The following PPP4R3A variants were observed in gnomAD, a reference collection of about 807,000 sequenced individuals.
PPP4R3A encodes serine/threonine-protein phosphatase 4 regulatory subunit 3A.
Under a neutral mutation model 91.7 loss-of-function variants are expected in PPP4R3A, and 15 were observed. The observed-to-expected ratio is 0.16, with a 90% CI of 0.11 to 0.25. The LOEUF is 0.25. Among genes scored for constraint, PPP4R3A ranks in the 10% least tolerant of loss-of-function variants. The pLI is 1.00. For synonymous variants in PPP4R3A, 377 were observed against 348.7 expected, an observed-to-expected ratio of 1.08 and a Z score of -0.91; for missense variants, 623 against 998.4, an observed-to-expected ratio of 0.62 and a Z score of 5.07.
chr14:91,468,662 C>T (rs564398234), intron 10 of PPP4R3A, among the ~76,000 whole-genome samples: 7 of 18,632 alleles, frequency 3.8e-4, no homozygotes, highest in African/African-American at 9.3e-4. Flanking sequence ...AGTGAGACTC[C>T]GTCTCAAAAA....
intron 1 of PPP4R3A, among the ~76,000 whole-genome samples, chr14:91,501,560 G>C (rs530798075): frequency 5.9e-5 from 9 of 152,236 alleles, no homozygotes; most frequent in African/African-American, 1.4e-4. Flanking sequence ...GGGACACTGA[G>C]GTGAGAGGAT....
chr14:91,488,722 T>C (rs565420147), intron 2 of PPP4R3A, among the ~76,000 whole-genome samples: 1 of 152,090 alleles, frequency 6.6e-6, no homozygotes, highest in East Asian at 1.9e-4. Flanking sequence ...TCCCTCAAAA[T>C]AGCATGGAAT....
intron 1 of PPP4R3A, among the ~76,000 whole-genome samples, chr14:91,504,862 T>C (rs1357762199): frequency 1.3e-5 from 2 of 152,180 alleles, no homozygotes; most frequent in African/African-American, 4.8e-5. Flanking sequence ...TCTTCTGTGA[T>C]TTTTAGACGA....
intron 12 of PPP4R3A, 77 bp downstream of exon 12, chr14:91,462,658 T>C: frequency 6.6e-7 from 1 of 1,525,464 alleles, no homozygotes; most frequent in Non-Finnish European, 9.0e-7. Flanking sequence ...TCAAGCCAAA[T>C]AATATCAAAT....
intron 4 of PPP4R3A, 105 bp downstream of exon 4, chr14:91,481,466 TACTTA>T: frequency 8.8e-7 from 1 of 1,130,486 alleles, no homozygotes; most frequent in South Asian, 1.8e-5. Flanking sequence ...TAACTCACAA[TACTTA>T]ACTTTATACA....
chr14:91,496,333 GAA>G (rs1319217597), intron 1 of PPP4R3A, among the ~76,000 whole-genome samples: 1 of 152,124 alleles, frequency 6.6e-6, no homozygotes, highest in African/African-American at 2.4e-5. Context: ...TAAGAAGTCA[GAA>G]ACACATAGCA....
chr14:91,505,948 ATTT>A (rs5810541), intron 1 of PPP4R3A, among the ~76,000 whole-genome samples: 1 of 148,454 alleles, frequency 6.7e-6, no homozygotes, highest in African/African-American at 2.5e-5. Flanking sequence ...TATAATTGAA[ATTT>A]TTTTTTTTTT....
chr14:91,462,514 T>C (rs1476553496), intron 12 of PPP4R3A, among the ~76,000 whole-genome samples: 2 of 151,856 alleles, frequency 1.3e-5, no homozygotes, highest in African/African-American at 2.4e-5. Context: ...TTTTTTTTTT[T>C]TTCCCTTATC....
At chr14:91,490,943 C>G (rs1383214481) in intron 1 of PPP4R3A, 141 bp from the exon 2 acceptor site, 1 of 341,458 alleles carries the variant, frequency 2.9e-6, no homozygotes. Flanking sequence ...TTCTCTCTGT[C>G]GCCCAGACTG....
intron 10 of PPP4R3A, among the ~76,000 whole-genome samples, chr14:91,465,767 A>G (rs1482592973): frequency 6.6e-6 from 1 of 152,196 alleles, no homozygotes; most frequent in Non-Finnish European, 1.5e-5. Flanking sequence ...AAAAAATTCA[A>G]CATGACCTTT....
At position 91,461,943 on chromosome 14, in the gene PPP4R3A, G is replaced by A. The variant is rs1339959311; in HGVS notation, c.2164+106C>T. The A allele has an allele frequency of 1.1e-5, 15 of 1,402,442 alleles. No homozygotes were observed. In the East Asian group the frequency reaches 2.6e-4, roughly 24 times the overall value. The allele number at this position is 1,402,442 out of a possible 1,614,324, so 86.9% of individuals were successfully genotyped here. On this transcript the variant is annotated intron_variant, in intron 13 of 14. Transcript: ENST00000554943. ...CATAAAGCAATAGAGTCTTTAAACC[G>A]TATGCCATCACACCTTCCAAGCAAA...
rs370094644 is a variant in PPP4R3A, at chr14:91,489,428, T to C, written c.198+1319A>G. Among the ~76,000 whole-genome samples the C allele has an allele frequency of 2.0e-5, 3 of 152,346 alleles. No individual in the cohort carries two copies. In the South Asian group the frequency reaches 6.2e-4, roughly 32 times the overall value. The stretch of plus-strand genomic sequence containing the variant: ...TGTGGCTGATGCTTAAGTCAGGGTA[T>C]AGCCAGACATATGCTCTTAATTACC... On this transcript the variant is annotated intron_variant, in intron 2 of 14. Coordinates refer to ENST00000554943, the MANE Select transcript of PPP4R3A (RefSeq NM_001366432.2).
Position 91,461,454 on chromosome 14 carries a change from C to A in PPP4R3A, c.2318G>T (p.Gly773Val). The A allele has an allele frequency of 6.2e-7, 1 of 1,614,024 alleles. No homozygotes were observed. Among genetic ancestry groups the A allele is most frequent in the African/African-American group, 1.3e-5 (1 of 74,980 alleles). The change falls in exon 14 of 15, where the codon GGA becomes GTA. Residue 773 changes from glycine (G) to valine (V), a missense_variant. Around this residue, in one of 5 missense-constraint regions of PPP4R3A, gnomAD observed 201 missense variants for 229.9 expected, o/e 0.87. Coordinates refer to ENST00000554943, the MANE Select transcript of PPP4R3A (RefSeq NM_001366432.2). ...TNLPGSPGSP[G>V]SPGSPGSPGS... is the part of the protein sequence containing the mutation. Reference sequence around the variant, plus strand: ...AGGAGAGCCTGGAGATCCTGGGGATCCAGGTGATCCCGGAGAACCAGGCAG... The same window carrying A: ...AGGAGAGCCTGGAGATCCTGGGGATACAGGTGATCCCGGAGAACCAGGCAG...
At chr14:91,503,186 C>CTATGT (rs1158831612) in intron 1 of PPP4R3A, among the ~76,000 whole-genome samples, 1 of 152,180 alleles carries the variant, frequency 6.6e-6, no homozygotes, top group African/African-American at 2.4e-5. Flanking sequence ...CAGGGTCTTG[C>CTATGT]TATGTTGCCC....
intron 9 of PPP4R3A, 138 bp from the exon 10 acceptor site, chr14:91,471,133 A>G: frequency 1.3e-6 from 1 of 755,412 alleles, no homozygotes; most frequent in Non-Finnish European, 2.0e-6. Flanking sequence ...GGAAATTAGC[A>G]TTTACTGAAC....
At chr14:91,504,589 C>T (rs1478615922) in intron 1 of PPP4R3A, among the ~76,000 whole-genome samples, 8 of 146,656 alleles carry the variant, frequency 5.5e-5, no homozygotes, top group South Asian at 2.1e-4. Flanking sequence ...GTGACAAGAG[C>T]GAAACACTGA....
intron 2 of PPP4R3A, among the ~76,000 whole-genome samples, 182 bp downstream of exon 2, chr14:91,490,565 G>A (rs1448488060): frequency 6.6e-6 from 1 of 151,900 alleles, no homozygotes; most frequent in African/African-American, 2.4e-5. Flanking sequence ...CTTGTGGCAA[G>A]CTTTTTAAAT....
At chr14:91,469,367 C>T (rs943321540) in intron 10 of PPP4R3A, among the ~76,000 whole-genome samples, 5 of 152,084 alleles carry the variant, frequency 3.3e-5, no homozygotes, top group African/African-American at 1.2e-4. Flanking sequence ...GCTCTCAAAT[C>T]CCCTTTTCCA....
intron 9 of PPP4R3A, 79 bp from the exon 10 acceptor site, chr14:91,471,074 T>C: frequency 7.4e-7 from 1 of 1,348,796 alleles, no homozygotes; most frequent in Non-Finnish European, 1.0e-6. Context: ...CAAATTCTAA[T>C]CAAGTAAAAT....
Sources: allele counts gnomAD v4.1 joint callset (sites outside exome capture counted in the v4.1 genomes callset), GRCh38; gene constraint gnomAD v4.1.1; regional missense constraint gnomAD v4.1.1; transcripts MANE v1.5; gene names NCBI Gene and HGNC (gene_info 2026-07-23, HGNC 2026-07-21).